Variants in KIAA1217 observed in about 807,000 individuals in gnomAD.
The protein encoded by KIAA1217 is KIAA1217, also known as sickle tail protein homolog.
KIAA1217 carries 88 observed loss-of-function variants against 163.9 expected under a neutral mutation model. That is an observed-to-expected ratio of 0.54 (90% confidence interval 0.45 to 0.64). KIAA1217 has a LOEUF of 0.64. KIAA1217 is among the 30% of genes least tolerant of loss of function. The pLI is 0.00. For synonymous variants in KIAA1217, 903 were observed against 923.1 expected (o/e 0.98, Z 0.39); for missense variants, 2,372 against 2,475.0 (o/e 0.96, Z 0.88).
chr10:24,168,490 C>G (rs2065463531), intron 2 of KIAA1217, among the ~76,000 whole-genome samples: 2 of 152,196 alleles, frequency 1.3e-5, no homozygotes, highest in Admixed American at 1.3e-4. Context: ...CTATGGAGAC[C>G]TTTGTGAGAC....
chr10:24,008,428 G>A (rs1195818016), intron 2 of KIAA1217, among the ~76,000 whole-genome samples: 5 of 152,128 alleles, frequency 3.3e-5, no homozygotes, highest in African/African-American at 4.8e-5. Flanking sequence ...AGTTCCCTGA[G>A]TGACGGTAGA....
chr10:23,835,389 G>A (rs1838396141), intron 1 of KIAA1217, among the ~76,000 whole-genome samples: 1 of 152,010 alleles, frequency 6.6e-6, no homozygotes, highest in African/African-American at 2.4e-5. Flanking sequence ...TATCTGAGAA[G>A]GGGGAACCCT....
At chr10:23,841,449 C>G (rs2131068010) in intron 1 of KIAA1217, among the ~76,000 whole-genome samples, 1 of 152,284 alleles carries the variant, frequency 6.6e-6, no homozygotes, top group Middle Eastern at 3.4e-3. Context: ...ATAATTGATG[C>G]ATGCTGTAAA....
At chr10:24,402,528 C>A (rs2367056) in intron 3 of KIAA1217, among the ~76,000 whole-genome samples, 29,972 of 74,240 alleles carry the variant, frequency 0.4, 7,165 homozygotes, top group African/African-American at 0.72. Flanking sequence ...AAAAACAAAA[C>A]AAAAAAAAAA....
chr10:24,361,039 TAGG>T (rs2049918550), intron 2 of KIAA1217, among the ~76,000 whole-genome samples: 1 of 151,986 alleles, frequency 6.6e-6, no homozygotes, highest in Non-Finnish European at 1.5e-5. Context: ...AGACTAAGAG[TAGG>T]AGAATTATTT....
chr10:23,986,921 G>A (rs1845994965), intron 1 of KIAA1217, among the ~76,000 whole-genome samples: 1 of 152,200 alleles, frequency 6.6e-6, no homozygotes, highest in Admixed American at 6.5e-5. Context: ...GGTTAGCAAA[G>A]TGTAGTCTTG....
In KIAA1217 at chr10:23,695,301, C is replaced by T. The variant is rs982339792; in HGVS notation, c.-321+67C>T. On this transcript the variant is annotated intron_variant, in intron 1 of 18. Coordinates refer to the KIAA1217 transcript ENST00000376462. The surrounding 1 kb of genome is among the most constrained non-coding windows in gnomAD (Gnocchi z 4.9). ...CCCAGCGCGAGTGGGAGGCACATCT[C>T]CCCTCCTTGGATAAGGAAACCGAGG... 6 of 152,308 alleles carry T rather than the reference C, an allele frequency of 3.9e-5. No individual in the cohort carries two copies. The highest frequency in any genetic ancestry group is 1.4e-4 in the African/African-American group (6 of 41,462). 9.4% of individuals were successfully genotyped at this position (152,308 alleles called of 1,614,324 possible). A position where few individuals can be genotyped will look rare whatever the true frequency, so the allele number is the denominator to read the frequency against.
At chr10:24,499,169 T>C (rs2075032420) in intron 8 of KIAA1217, among the ~76,000 whole-genome samples, 1 of 152,198 alleles carries the variant, frequency 6.6e-6, no homozygotes, top group Admixed American at 6.5e-5. Flanking sequence ...GATAAAGTAA[T>C]TTGACTGATT....
At chr10:23,807,447 C>G (rs1836792326) in intron 1 of KIAA1217, among the ~76,000 whole-genome samples, 1 of 152,186 alleles carries the variant, frequency 6.6e-6, no homozygotes, top group African/African-American at 2.4e-5. Context: ...GAGGCCTGGG[C>G]CATTATGGCT....
chr10:23,911,461 A>T lies in KIAA1217; in HGVS notation c.-320-95764A>T, dbSNP rs780313236. ...TTTCCCCTTCTCACTTTACCATCACATATGAGAATAGATGCTATACGAAGG... is the reference window on the plus strand; with the variant it reads ...TTTCCCCTTCTCACTTTACCATCACTTATGAGAATAGATGCTATACGAAGG... On this transcript the variant is annotated intron_variant, in intron 1 of 18. Coordinates refer to the KIAA1217 transcript ENST00000376462. Among the ~76,000 whole-genome samples the T allele has an allele frequency of 2.6e-5, 4 of 152,192 alleles. No homozygotes were observed. In the East Asian group the frequency reaches 7.7e-4, roughly 29 times the overall value.
intron 2 of KIAA1217, among the ~76,000 whole-genome samples, chr10:24,284,109 C>T (rs1054075822): frequency 7.2e-5 from 11 of 152,082 alleles, no homozygotes; most frequent in Non-Finnish European, 1.6e-4. Context: ...AGGGTTTCAG[C>T]ATGTTGGCCA....
chr10:24,239,755 TG>T (rs1470255388), intron 2 of KIAA1217, among the ~76,000 whole-genome samples: 22 of 151,998 alleles, frequency 1.4e-4, no homozygotes, highest in African/African-American at 5.3e-4. Context: ...ATTGAGACTA[TG>T]GGTAGTTTTG....
In KIAA1217 at chr10:24,296,921, C is replaced by T. The variant is rs1044463771; in HGVS notation, c.354+77012C>T. On this transcript the variant is annotated intron_variant, in intron 2 of 20. Transcript: ENST00000376454. ...CAGCTGTGATCTTCAGGACCAAGTACGTGGCAACTACAGGAGGATGGTCTC... is the reference window on the plus strand; with the variant it reads ...CAGCTGTGATCTTCAGGACCAAGTATGTGGCAACTACAGGAGGATGGTCTC... Among the ~76,000 whole-genome samples, 19 of 152,290 alleles carry T rather than the reference C, an allele frequency of 1.2e-4. 1 individual carries two copies. Among genetic ancestry groups the T allele is most frequent in the Admixed American group, 9.2e-4 (14 of 15,288 alleles).
chr10:23,974,889 C>G (rs936549158), intron 1 of KIAA1217, among the ~76,000 whole-genome samples: 1 of 151,788 alleles, frequency 6.6e-6, no homozygotes, highest in African/African-American at 2.4e-5. Flanking sequence ...TCCTTCCCCC[C>G]CCCATAGATA....
chr10:23,955,543 T>C (rs1031607018), intron 1 of KIAA1217, among the ~76,000 whole-genome samples: 1 of 152,182 alleles, frequency 6.6e-6, no homozygotes, highest in African/African-American at 2.4e-5. Flanking sequence ...TTTCTCCCAG[T>C]GTAAAGGAAA....
intron 5 of KIAA1217, among the ~76,000 whole-genome samples, chr10:24,465,110 A>G (rs1592156846): frequency 6.6e-6 from 1 of 152,110 alleles, no homozygotes; most frequent in Non-Finnish European, 1.5e-5. Flanking sequence ...ACAAAACAAA[A>G]CCTGCCTAAT....
intron 3 of KIAA1217, among the ~76,000 whole-genome samples, chr10:24,412,235 T>C (rs1403250873): frequency 8.5e-5 from 13 of 152,130 alleles, no homozygotes; most frequent in Admixed American, 3.9e-4. Context: ...TTATTACTGG[T>C]GGCATTCGAG....
At chr10:23,814,442 A>T (rs1837223597) in intron 1 of KIAA1217, among the ~76,000 whole-genome samples, 1 of 152,190 alleles carries the variant, frequency 6.6e-6, no homozygotes, top group African/African-American at 2.4e-5. Context: ...CACAGCTAAG[A>T]GCATGCTAGC....
At chr10:23,958,483 T>C (rs1844666669) in intron 1 of KIAA1217, among the ~76,000 whole-genome samples, 1 of 152,218 alleles carries the variant, frequency 6.6e-6, no homozygotes, top group Admixed American at 6.5e-5. Flanking sequence ...AGGCTCATAG[T>C]AAGTACAATG....
Sources: allele counts gnomAD v4.1 joint callset (sites outside exome capture counted in the v4.1 genomes callset), GRCh38; gene constraint gnomAD v4.1.1; non-coding constraint Gnocchi (gnomAD v3.1); transcripts MANE v1.5; gene names NCBI Gene and HGNC (gene_info 2026-07-23, HGNC 2026-07-21).